The following LITAF variants were observed in gnomAD, a reference collection of about 807,000 sequenced individuals.
LITAF encodes lipopolysaccharide-induced tumor necrosis factor-alpha factor.
A neutral mutation model predicts 14.5 loss-of-function variants in LITAF; 9 were observed. That is an observed-to-expected ratio of 0.62 (90% confidence interval 0.37 to 1.08). LITAF has a LOEUF of 1.08. LITAF is among the 50% of genes least tolerant of loss of function. The pLI, the probability that LITAF is intolerant of heterozygous loss-of-function variation, is 0.01. For missense variants in LITAF, 206 were observed against 213.4 expected (o/e 0.97, Z 0.22); for synonymous variants, 98 against 88.2 (o/e 1.11, Z -0.62).
upstream of LITAF, among the ~76,000 whole-genome samples, chr16:11,600,881 C>T (rs562218107): frequency 1.3e-5 from 2 of 152,138 alleles, no homozygotes; most frequent in Non-Finnish European, 2.9e-5. The surrounding 1 kb of genome is among the most constrained non-coding windows in gnomAD (Gnocchi z 4.1). Flanking sequence ...TCATTCTTCT[C>T]GGGCATGGTA....
chr16:11,565,960 C>T (rs552953095), intron 1 of LITAF, among the ~76,000 whole-genome samples: 1 of 151,964 alleles, frequency 6.6e-6, no homozygotes, highest in East Asian at 1.9e-4. Context: ...TCCAGGCGCC[C>T]CATGCCCCAG....
intron 1 of LITAF, among the ~76,000 whole-genome samples, chr16:11,568,762 C>G (rs1397829983): frequency 6.7e-6 from 1 of 149,482 alleles, no homozygotes; most frequent in Non-Finnish European, 1.5e-5. Flanking sequence ...TCACTGCAAC[C>G]TCCACCTCCC....
At chr16:11,574,768 T>C (rs1202586006) in intron 1 of LITAF, among the ~76,000 whole-genome samples, 2 of 150,864 alleles carry the variant, frequency 1.3e-5, no homozygotes, top group Non-Finnish European at 2.9e-5. Flanking sequence ...ACCCCAAAAT[T>C]TGCACTAACA....
intron 1 of LITAF, among the ~76,000 whole-genome samples, chr16:11,564,053 C>T (rs1460076850): frequency 1.3e-5 from 2 of 152,004 alleles, no homozygotes; most frequent in African/African-American, 4.8e-5. Context: ...ATTACAGGCA[C>T]GTGCCACTAA....
intron 3 of LITAF, among the ~76,000 whole-genome samples, chr16:11,609,604 C>T (rs760850398): frequency 5.9e-5 from 9 of 152,160 alleles, no homozygotes; most frequent in Non-Finnish European, 8.8e-5. Context: ...ATAAAGGGAG[C>T]AAAGGATTCA....
chr16:11,550,369 C>A (rs1457095547), intron 3 of LITAF, among the ~76,000 whole-genome samples: 1 of 152,044 alleles, frequency 6.6e-6, no homozygotes, highest in Non-Finnish European at 1.5e-5. Context: ...GGATTACAGG[C>A]GAGAGCCACC....
chr16:11,623,108 C>T (rs1341077319), intron 3 of LITAF, among the ~76,000 whole-genome samples: 5 of 151,452 alleles, frequency 3.3e-5, no homozygotes, highest in East Asian at 2.0e-4. Context: ...GGACTACAGG[C>T]GCCCACCACC....
At chr16:11,622,971 T>A (rs1043675083) in intron 3 of LITAF, among the ~76,000 whole-genome samples, 8 of 141,990 alleles carry the variant, frequency 5.6e-5, no homozygotes, top group Non-Finnish European at 9.1e-5. Flanking sequence ...TATATATATA[T>A]AATTTTTTTT....
At chr16:11,618,798 C>G (rs146761001) in intron 3 of LITAF, among the ~76,000 whole-genome samples, 5 of 151,928 alleles carry the variant, frequency 3.3e-5, no homozygotes, top group African/African-American at 1.2e-4. Flanking sequence ...GCCTGGCTAA[C>G]ATGGTGAAAC....
chr16:11,551,086 GC>G (rs1280203798), intron 3 of LITAF, among the ~76,000 whole-genome samples: 1 of 152,094 alleles, frequency 6.6e-6, no homozygotes, highest in Non-Finnish European at 1.5e-5. Flanking sequence ...ACCTCAGACC[GC>G]CTGACAACCA....
At chr16:11,555,668 A>G (rs544378116) in intron 2 of LITAF, among the ~76,000 whole-genome samples, 33 of 152,044 alleles carry the variant, frequency 2.2e-4, no homozygotes, top group Middle Eastern at 3.4e-3. Flanking sequence ...CAAAAAAAAA[A>G]AAAAAGAAAA....
chr16:11,580,393 G>C (rs955274270), intron 1 of LITAF, among the ~76,000 whole-genome samples: 1 of 152,072 alleles, frequency 6.6e-6, no homozygotes, highest in Non-Finnish European at 1.5e-5. Flanking sequence ...GAGTAGCTGG[G>C]ATTACAGATG....
At chr16:11,567,542 C>T (rs2064472453) in intron 1 of LITAF, among the ~76,000 whole-genome samples, 1 of 152,166 alleles carries the variant, frequency 6.6e-6, no homozygotes, top group Non-Finnish European at 1.5e-5. Flanking sequence ...AAAGCTGCCG[C>T]AGTCTCCAAA....
At chr16:11,622,154 G>C (rs1345624807) in intron 3 of LITAF, among the ~76,000 whole-genome samples, 1 of 152,220 alleles carries the variant, frequency 6.6e-6, no homozygotes, top group Non-Finnish European at 1.5e-5. Flanking sequence ...CGCCCTGGCA[G>C]CCTGGTGGGG....
intron 3 of LITAF, among the ~76,000 whole-genome samples, chr16:11,628,736 G>A (rs2065100338): frequency 6.6e-6 from 1 of 152,006 alleles, no homozygotes; most frequent in Admixed American, 6.6e-5. Flanking sequence ...GAGTACAGTG[G>A]CGTGTTCTCA....
intron 2 of LITAF, among the ~76,000 whole-genome samples, chr16:11,635,064 TAAA>T (rs1259154156): frequency 9.4e-5 from 14 of 149,372 alleles, no homozygotes; most frequent in African/African-American, 3.2e-4. Context: ...TAAAATAAAA[TAAA>T]ATAAAATAAA....
chr16:11,600,884 G>A (rs2064922379), upstream of LITAF, among the ~76,000 whole-genome samples: 1 of 151,982 alleles, frequency 6.6e-6, no homozygotes, highest in Non-Finnish European at 1.5e-5. This position sits in a 1 kb window ranked among gnomAD's most constrained non-coding sequence, Gnocchi z 4.1. Flanking sequence ...TTCTTCTCGG[G>A]CATGGTACAA....
rs200859827 is a variant in LITAF at position 11,549,767 on chromosome 16, C to A, written c.378-22G>T. 2.5e-6 allele frequency: 4 copies of A among 1,585,208 alleles called. No homozygotes were observed. The highest frequency in any genetic ancestry group is 2.2e-5 in the South Asian group (2 of 89,094). ...GCACCTGGGAGGAGAGAGAGACACA[C>A]GGAGCGCGTTACTGATCACAACAGG... On this transcript the variant is annotated intron_variant, in intron 3 of 3. Coordinates refer to ENST00000622633, the MANE Select transcript of LITAF (RefSeq NM_001136472.2). This position sits in a 1 kb window ranked among gnomAD's most constrained non-coding sequence, Gnocchi z 4.6.
intron 3 of LITAF, among the ~76,000 whole-genome samples, chr16:11,620,770 G>C (rs918616453): frequency 2.0e-5 from 3 of 152,178 alleles, no homozygotes; most frequent in Non-Finnish European, 4.4e-5. Flanking sequence ...GGGAGTGGTG[G>C]GGACTGTGAC....
Sources: gnomAD v4.1 joint callset for allele counts (sites outside exome capture counted in the v4.1 genomes callset) on GRCh38, gnomAD v4.1.1 for gene constraint, Gnocchi (gnomAD v3.1) non-coding constraint, MANE v1.5 for transcripts, NCBI Gene and HGNC (gene_info 2026-07-23, HGNC 2026-07-21) for gene names.